MTG2: variants seen among roughly 807,000 people sequenced by gnomAD.
MTG2 encodes mitochondrial ribosome-associated GTPase 2.
A neutral mutation model predicts 28.6 loss-of-function variants in MTG2; 23 were observed. The ratio of observed to expected loss-of-function variants is 0.80; its 90% CI spans 0.58 to 1.14. The LOEUF is 1.14. Among genes scored for constraint, MTG2 ranks in the 50% most tolerant of loss-of-function variants. The pLI, the probability that MTG2 is intolerant of heterozygous loss-of-function variation, is 0.00. For missense variants in MTG2, 539 were observed against 552.0 expected, an observed-to-expected ratio of 0.98 and a Z score of 0.24; for synonymous variants, 260 against 251.8, an observed-to-expected ratio of 1.03 and a Z score of -0.31.
At chr20:62,195,973 C>G (rs553753904) in intron 3 of MTG2, 24 bp downstream of exon 3, 2 of 1,612,344 alleles carry the variant, frequency 1.2e-6, no homozygotes, top group Non-Finnish European at 1.7e-6. Context: ...GGCAGTGCAG[C>G]GGGGTTGAGG....
chr20:62,198,177 T>A (rs1382009950), intron 4 of MTG2: 1 of 576,584 alleles, frequency 1.7e-6, no homozygotes, highest in Non-Finnish European at 3.1e-6. Flanking sequence ...TCTCACACCA[T>A]GTGCATGTCT....
At chr20:62,190,949 C>T (rs1426595224) in intron 1 of MTG2, among the ~76,000 whole-genome samples, 14 of 152,148 alleles carry the variant, frequency 9.2e-5, no homozygotes, top group African/African-American at 3.1e-4. Flanking sequence ...AACAGAGACC[C>T]GCTAAAGAAT....
At position 62,198,993 on chromosome 20, in the gene MTG2, C is replaced by G. The variant is rs964705346; in HGVS notation, c.688-126C>G. The G allele has an allele frequency of 1.2e-5, 19 of 1,536,514 alleles. No homozygotes were observed. The Admixed American group carries it at 3.1e-4, about 25-fold the overall frequency. On this transcript the variant is annotated intron_variant, in intron 5 of 6. Coordinates refer to ENST00000370823, the MANE Select transcript of MTG2 (RefSeq NM_015666.4). ...CCCATCAGTACACTGCTGACTTGGTCGTGAGCATGAGCCCTTGTGACTCCC... is the reference window on the plus strand; with the variant it reads ...CCCATCAGTACACTGCTGACTTGGTGGTGAGCATGAGCCCTTGTGACTCCC...
chr20:62,188,162 T>A (rs2057886191), intron 1 of MTG2, among the ~76,000 whole-genome samples: 1 of 152,060 alleles, frequency 6.6e-6, no homozygotes, highest in Admixed American at 6.6e-5. Flanking sequence ...GTATTTTGCA[T>A]TTCCATTATA....
Position 62,194,549 on chromosome 20 carries a change from C to T in MTG2, c.204+925C>T, listed in dbSNP as rs188342721. ...TCGTGGTTTTCCCACATGGTGGTGC[C>T]AAAGAATCTTAGAATGTTTGTGTTT... On this transcript the variant is annotated intron_variant, in intron 2 of 6. Transcript: ENST00000370823. Among the ~76,000 whole-genome samples the T allele has an allele frequency of 1.2e-4, 18 of 152,198 alleles. No individual in the cohort carries two copies. In the East Asian group the frequency reaches 2.9e-3, roughly 24 times the overall value.
At chr20:62,187,969 C>T (rs1455979524) in intron 1 of MTG2, among the ~76,000 whole-genome samples, 1 of 151,982 alleles carries the variant, frequency 6.6e-6, no homozygotes, top group African/African-American at 2.4e-5. Flanking sequence ...ACTCTAGCTG[C>T]ATCTCTTAAA....
In MTG2 at chr20:62,203,200, A is replaced by C. The variant is rs1350431345; in HGVS notation, c.*2123A>C. On this transcript the variant is annotated 3_prime_UTR_variant, in exon 7 of 7. Coordinates refer to ENST00000370823, the MANE Select transcript of MTG2 (RefSeq NM_015666.4). ...AGATGCCTTGTGGCTCGACCCCTGC[A>C]CGGAGCCCCCAGCCCAGCCTCCCCG... 1 of 152,238 alleles carries C rather than the reference A, an allele frequency of 6.6e-6. No individual in the cohort carries two copies. The highest frequency in any genetic ancestry group is 1.5e-5 in the Non-Finnish European group (1 of 68,084). 9.4% of individuals were successfully genotyped at this position (152,238 alleles called of 1,614,324 possible).
chr20:62,200,187 T>A (rs919852500), intron 6 of MTG2: 10 of 152,740 alleles, frequency 6.5e-5, no homozygotes, highest in Non-Finnish European at 1.3e-4. Context: ...AACACGTGAC[T>A]TAAAAGCTTT....
Position 62,195,421 on chromosome 20 carries a change from G to GT in MTG2, c.205-374dup, listed in dbSNP as rs557788606. ...GTAAAGATCTATGATTTCAGGAATG[G>GT]TTTTTTTGAATGGAAAGACACATTA... On this transcript the variant is annotated intron_variant, in intron 2 of 6. Coordinates refer to ENST00000370823, the MANE Select transcript of MTG2 (RefSeq NM_015666.4). Among the ~76,000 whole-genome samples the GT allele has an allele frequency of 6.4e-3, 968 of 152,214 alleles. 13 individuals carry two copies. Among genetic ancestry groups the GT allele is most frequent in the African/African-American group, 0.022 (916 of 41,520 alleles).
chr20:62,192,851 C>T (rs1031144064), intron 1 of MTG2, among the ~76,000 whole-genome samples: 1 of 152,108 alleles, frequency 6.6e-6, no homozygotes, highest in Admixed American at 6.6e-5. Context: ...GCCAGGGCCG[C>T]GGTTGTGCAG....
intron 1 of MTG2, among the ~76,000 whole-genome samples, chr20:62,184,381 A>G (rs1002908676): frequency 1.3e-5 from 2 of 150,744 alleles, no homozygotes; most frequent in African/African-American, 4.9e-5. Flanking sequence ...AAAAAAAAAA[A>G]TCAGGTTTCA....
rs946762050 is a variant in MTG2 at position 62,203,522 on chromosome 20, A to G, written c.*2445A>G. ...CAAATTTTTGTCAGTCTGCTTTTCA[A>G]ATGGGATATATGATTCACATACCAT... On this transcript the variant is annotated 3_prime_UTR_variant, in exon 7 of 7. Transcript: ENST00000370823. The G allele has an allele frequency of 1.3e-5, 2 of 152,220 alleles. No individual in the cohort carries two copies. The highest frequency in any genetic ancestry group is 4.8e-5 in the African/African-American group (2 of 41,454). The allele number at this position is 152,220 out of a possible 1,614,324, so 9.4% of individuals were successfully genotyped here.
chr20:62,202,613 C>G lies in MTG2; in HGVS notation c.*1536C>G, dbSNP rs765825719. ...TAAAAATACAAAAAAATTAGCCAGG[C>G]GTGGTGGCGGTCACCTGTAGTCCCA... On this transcript the variant is annotated 3_prime_UTR_variant, in exon 7 of 7. Coordinates refer to ENST00000370823, the MANE Select transcript of MTG2 (RefSeq NM_015666.4). The G allele has an allele frequency of 1.3e-5, 2 of 152,088 alleles. No individual in the cohort carries two copies. Among genetic ancestry groups the G allele is most frequent in the Non-Finnish European group, 2.9e-5 (2 of 68,182 alleles). The allele number at this position is 152,088 out of a possible 1,614,324, so 9.4% of individuals were successfully genotyped here. A position where few individuals can be genotyped will look rare whatever the true frequency, so the allele number is the denominator to read the frequency against.
At chr20:62,186,936 A>G (rs1318620630) in intron 1 of MTG2, among the ~76,000 whole-genome samples, 1 of 152,178 alleles carries the variant, frequency 6.6e-6, no homozygotes, top group Non-Finnish European at 1.5e-5. Context: ...ACATTGTTGC[A>G]TAGCAGTGGT....
chr20:62,184,261 G>A (rs2057792389), intron 1 of MTG2, among the ~76,000 whole-genome samples: 1 of 152,158 alleles, frequency 6.6e-6, no homozygotes, highest in Non-Finnish European at 1.5e-5. Context: ...GGGAGGCTGA[G>A]GCAGGAGAAT....
chr20:62,199,427 CGAGGT>C, intron 6 of MTG2, 170 bp downstream of exon 6: 40 of 733,140 alleles, frequency 5.5e-5, no homozygotes, highest in South Asian at 2.0e-4. Context: ...AGGCGGATCA[CGAGGT>C]CAGGAGATCG....
chr20:62,200,156 G>C (rs567094318), intron 6 of MTG2: 1 of 152,424 alleles, frequency 6.6e-6, no homozygotes, highest in African/African-American at 2.4e-5. Flanking sequence ...CCTCTCATCT[G>C]TGGAAGCTCA....
rs1430254381 is a variant in MTG2, at chr20:62,201,073, G to T, written c.1217G>T (p.Trp406Leu). Residue 406 changes from tryptophan (W) to leucine (L), a missense_variant, in exon 7 of 7, where the codon TGG becomes TTG. Transcript: ENST00000370823. ...GGCCAGGGCCGCCAGCCGCTCAGGT[G>T]GTAGCCACGCCAGAGCGGGGTCGCC... is the stretch of plus-strand genomic sequence containing the variant. The part of the protein sequence containing the change: ...ELGQGRQPLR[W>L] 6.3e-7 allele frequency: 1 copy of T among 1,595,488 alleles called. No individual in the cohort carries two copies. Among genetic ancestry groups the T allele is most frequent in the Non-Finnish European group, 8.5e-7 (1 of 1,172,176 alleles).
rs1381929813 is a variant in MTG2 at position 62,197,978 on chromosome 20, A to G, written c.468+11A>G. ...GTCCTCTACATCCGGGTGAGCCGAG[A>G]CTGCCGGACCTGGCCCTGTCCCCGT... On this transcript the variant is annotated intron_variant, in intron 4 of 6. Coordinates refer to ENST00000370823, the MANE Select transcript of MTG2 (RefSeq NM_015666.4). 6.2e-7 allele frequency: 1 copy of G among 1,608,910 alleles called. No homozygotes were observed. Among genetic ancestry groups the G allele is most frequent in the Admixed American group, 1.7e-5 (1 of 60,018 alleles).
Sources: gnomAD v4.1 joint callset for allele counts (sites outside exome capture counted in the v4.1 genomes callset) on GRCh38, gnomAD v4.1.1 for gene constraint, MANE v1.5 for transcripts, NCBI Gene and HGNC (gene_info 2026-07-23, HGNC 2026-07-21) for gene names.